TEX101: variants seen among roughly 807,000 people sequenced by gnomAD.
TEX101 encodes testis expressed 101.
Under a neutral mutation model 18.1 loss-of-function variants are expected in TEX101, and 10 were observed. That is an observed-to-expected ratio of 0.55 (90% CI 0.34 to 0.94). TEX101 has a LOEUF of 0.94. Ranked by LOEUF, TEX101 falls within the 40% of genes least tolerant of loss-of-function variation. TEX101 has a pLI of 0.02. For missense variants in TEX101, 259 were observed against 298.9 expected (o/e 0.87, Z 0.98); for synonymous variants, 94 against 114.8 (o/e 0.82, Z 1.16).
intron 1 of TEX101, among the ~76,000 whole-genome samples, chr19:43,402,584 CT>C (rs879497888): frequency 3.8e-3 from 549 of 143,452 alleles, no homozygotes; most frequent in African/African-American, 5.3e-3. Context: ...CTAAATCTGA[CT>C]TTTTTTTTTT....
At chr19:43,390,503 T>C in the TEX101 span, among the ~76,000 whole-genome samples, 1 of 124,914 alleles carries the variant, frequency 8.0e-6, no homozygotes, top group Admixed American at 9.4e-5. Flanking sequence ...GTTCTCACTC[T>C]CTCACCCATG....
the TEX101 span, among the ~76,000 whole-genome samples, chr19:43,391,084 T>C: frequency 6.6e-6 from 1 of 152,214 alleles, no homozygotes; most frequent in Non-Finnish European, 1.5e-5. Context: ...ACCACCCTTC[T>C]TGTTATGGCT....
upstream of TEX101, among the ~76,000 whole-genome samples, chr19:43,400,307 C>G (rs753466574): frequency 2.6e-5 from 4 of 152,136 alleles, no homozygotes; most frequent in Non-Finnish European, 4.4e-5. Flanking sequence ...ACTAAGGGTG[C>G]TGTTTGCTAC....
intron 1 of TEX101, among the ~76,000 whole-genome samples, chr19:43,415,351 G>A (rs1452974732): frequency 2.0e-5 from 3 of 152,098 alleles, no homozygotes; most frequent in Admixed American, 1.3e-4. Context: ...CTGGGTGGCC[G>A]GGCCTGAGAA....
At chr19:43,391,588 T>G in the TEX101 span, among the ~76,000 whole-genome samples, 6 of 152,120 alleles carry the variant, frequency 3.9e-5, no homozygotes, top group African/African-American at 1.4e-4. Flanking sequence ...AGGTAGCACA[T>G]GGTGCATTGT....
chr19:43,415,525 G>A (rs113500998), intron 1 of TEX101, among the ~76,000 whole-genome samples: 9 of 152,104 alleles, frequency 5.9e-5, no homozygotes, highest in Admixed American at 1.3e-4. Flanking sequence ...ACTATGGGGG[G>A]ACGAGGCGGG....
intron 2 of TEX101, among the ~76,000 whole-genome samples, chr19:43,404,043 A>C (rs1970340008): frequency 6.6e-6 from 1 of 151,428 alleles, no homozygotes; most frequent in Non-Finnish European, 1.5e-5. Context: ...TGGCTCAAAA[A>C]AAAAAAGATG....
intron 1 of TEX101, 114 bp from the exon 2 acceptor site, chr19:43,415,767 A>C (rs1294070570): frequency 6.4e-6 from 6 of 938,406 alleles, no homozygotes; most frequent in East Asian, 2.4e-5. Flanking sequence ...CTCAAAAAAA[A>C]AAAAAATGCA....
intron 2 of TEX101, among the ~76,000 whole-genome samples, chr19:43,405,603 A>G (rs891363791): frequency 2.0e-4 from 30 of 151,528 alleles, no homozygotes; most frequent in Non-Finnish European, 4.3e-4. Flanking sequence ...AAGATCCAAT[A>G]ATAAATTATT....
chr19:43,396,524 A>G (rs975853154), upstream of TEX101, among the ~76,000 whole-genome samples: 6 of 152,204 alleles, frequency 3.9e-5, no homozygotes, highest in African/African-American at 1.2e-4. Flanking sequence ...AACAACTGTC[A>G]TGTGTAACCC....
upstream of TEX101, chr19:43,414,870 C>G (rs959729425): frequency 3.1e-5 from 31 of 985,318 alleles, no homozygotes; most frequent in Non-Finnish European, 3.4e-5. Context: ...TGTGGCCAGG[C>G]TGGCCCGGCC....
chr19:43,413,901 G>A (rs537758682), upstream of TEX101, among the ~76,000 whole-genome samples: 1 of 152,138 alleles, frequency 6.6e-6, no homozygotes, highest in South Asian at 2.1e-4. Context: ...GTTGCAGTGA[G>A]CTGAGATCAC....
At chr19:43,392,877 G>A in the TEX101 span, among the ~76,000 whole-genome samples, 1 of 152,058 alleles carries the variant, frequency 6.6e-6, no homozygotes, top group Non-Finnish European at 1.5e-5. Context: ...GGCCAACATG[G>A]TGAAACCCTG....
intron 2 of TEX101, among the ~76,000 whole-genome samples, chr19:43,405,328 G>T (rs980588255): frequency 1.3e-5 from 2 of 152,058 alleles, no homozygotes; most frequent in Non-Finnish European, 2.9e-5. Flanking sequence ...CAGCACTTTG[G>T]GGGGCCGAGG....
At chr19:43,409,864 C>CTG (rs1206611222) in intron 3 of TEX101, among the ~76,000 whole-genome samples, 2 of 152,042 alleles carry the variant, frequency 1.3e-5, no homozygotes, top group Non-Finnish European at 2.9e-5. Context: ...AAAAGACATT[C>CTG]TGTGGCTTGG....
upstream of TEX101, chr19:43,414,789 C>T (rs1431658239): frequency 1.4e-5 from 13 of 960,632 alleles, no homozygotes; most frequent in Middle Eastern, 5.3e-4. Flanking sequence ...AATGAGGTGC[C>T]GCGTTCCTCC....
Position 43,416,467 on chromosome 19 carries a change from C to G in TEX101, c.303C>G (p.Ile101Met). Residue 101 changes from isoleucine (I) to methionine (M), a missense_variant, in exon 4 of 6, where the codon ATC becomes ATG. By Grantham distance (10) the Ile-to-Met change is conservative. Coordinates refer to ENST00000598265, the MANE Select transcript of TEX101 (RefSeq NM_001130011.3). ...AGCACTCTTCACCTCCCGGCCTGAT[C>G]GTGACCTCCTACAGTAACTACTGTG... ...IVQHSSPPGLIVTSYSNYCED... is the reference protein window; with the variant it reads ...IVQHSSPPGLMVTSYSNYCED... 6.2e-7 allele frequency: 1 copy of G among 1,614,178 alleles called. No homozygotes were observed. Among genetic ancestry groups the G allele is most frequent in the Non-Finnish European group, 8.5e-7 (1 of 1,180,020 alleles).
chr19:43,415,167 C>A, intron 1 of TEX101, 129 bp downstream of exon 1: 1 of 574,858 alleles, frequency 1.7e-6, no homozygotes. Flanking sequence ...GGAACCCAGA[C>A]TCCTCGATCC....
At chr19:43,388,955 C>T in the TEX101 span, among the ~76,000 whole-genome samples, 3 of 152,110 alleles carry the variant, frequency 2.0e-5, no homozygotes, top group African/African-American at 4.8e-5. Flanking sequence ...GGCTGCTCCC[C>T]GGGGTTCCTC....
Sources: allele counts gnomAD v4.1 joint callset (sites outside exome capture counted in the v4.1 genomes callset), GRCh38; gene constraint gnomAD v4.1.1; transcripts MANE v1.5; gene names NCBI Gene and HGNC (gene_info 2026-07-23, HGNC 2026-07-21).